The following PKD1 variants were observed in gnomAD, a reference collection of about 807,000 sequenced individuals.
PKD1 encodes the protein polycystin 1, transient receptor potential channel interacting, also known as polycystin-1.
Under a neutral mutation model 361.7 loss-of-function variants are expected in PKD1, and 81 were observed. The observed-to-expected ratio is 0.22, with a 90% CI of 0.19 to 0.27. The LOEUF (loss-of-function observed/expected upper bound fraction) is 0.27. PKD1 is among the 10% of genes least tolerant of loss of function. The probability of loss-of-function intolerance (pLI) is 1.00; values close to 1 mark genes in which losing one functional copy is unlikely to be tolerated. For missense variants in PKD1, 6,399 were observed against 6,118.3 expected, an observed-to-expected ratio of 1.05 and a Z score of -1.53; for synonymous variants, 3,615 against 2,818.3, an observed-to-expected ratio of 1.28 and a Z score of -8.95.
intron 40 of PKD1, 69 bp downstream of exon 40, chr16:2,091,978 G>T: frequency 6.2e-7 from 1 of 1,612,070 alleles, no homozygotes; most frequent in Non-Finnish European, 8.5e-7. Context: ...TGGTCAGGAG[G>T]CCGCGGCACT....
chr16:2,125,366 G>A (rs1207740433), intron 1 of PKD1, among the ~76,000 whole-genome samples: 3 of 152,332 alleles, frequency 2.0e-5, no homozygotes, highest in South Asian at 4.1e-4. Context: ...CCAAGCAACA[G>A]AGCCCTGCAC....
intron 1 of PKD1, among the ~76,000 whole-genome samples, chr16:2,121,291 C>G (rs140747784): frequency 3.3e-5 from 5 of 150,976 alleles, no homozygotes; most frequent in East Asian, 2.0e-4. Flanking sequence ...CTTGAACCCG[C>G]GAGGCAGAGG....
In PKD1 at chr16:2,097,386, C is replaced by G; in HGVS notation, c.10338G>C (p.Leu3446=). ...QLARGQAGHG[L]GPEEDGFSLA... ...GGGAGAAGCCGTCCTCCTCTGGGCC[C>G]AGCCCATGGCCCGCCTGGCCCCGTG... Residue 3446 remains leucine (L), a synonymous_variant, in exon 33 of 46, where the codon CTG becomes CTC. Transcript: ENST00000262304. 6.2e-7 allele frequency: 1 copy of G among 1,611,390 alleles called. No homozygotes were observed. Among genetic ancestry groups the G allele is most frequent in the Non-Finnish European group, 8.5e-7 (1 of 1,179,930 alleles).
intron 37 of PKD1, 140 bp from the exon 38 acceptor site, chr16:2,093,233 T>A: frequency 9.9e-7 from 1 of 1,007,042 alleles, no homozygotes; most frequent in Non-Finnish European, 1.5e-6. Context: ...AGACTCTACC[T>A]GGCCAGGGTA....
At chr16:2,129,408 G>T (rs547213410) in intron 1 of PKD1, among the ~76,000 whole-genome samples, 1 of 151,890 alleles carries the variant, frequency 6.6e-6, no homozygotes, top group Non-Finnish European at 1.5e-5. Context: ...GATTACAGGC[G>T]TGAGGCACCG....
At chr16:2,130,755 G>C (rs28635410) in intron 1 of PKD1, among the ~76,000 whole-genome samples, 4,132 of 152,262 alleles carry the variant, frequency 0.027, 200 homozygotes, top group African/African-American at 0.094. Flanking sequence ...GTCTGCGCCT[G>C]CTGTCCCTAC....
rs116726822 is a variant in PKD1 at position 2,109,573 on chromosome 16, C to G, written c.5594G>C (p.Arg1865Pro). 3 of 1,611,720 alleles carry G rather than the reference C, an allele frequency of 1.9e-6. No individual in the cohort carries two copies. In the African/African-American group the frequency reaches 4.0e-5, roughly 21 times the overall value. The change falls in exon 15 of 46, where the codon CGG becomes CCG. Residue 1865 changes from arginine (R) to proline (P), a missense_variant. Physicochemically the swap from Arg to Pro is moderately radical, Grantham distance 103. Transcript: ENST00000262304. ...GCTGACTGCGTTGGAGGCATTGAGC[C>G]GGATGGAGAAGGTGCCAGCATCCGG... ...VFPDAGTFSI[R>P]LNASNAVSWV...
At position 2,089,831 on chromosome 16, in the gene PKD1, G is replaced by C. The variant is rs1300284182; in HGVS notation, c.12808C>G (p.Leu4270Val). Reference protein sequence around the residue: ...RGPSPGLRPALPSRLARASRG... With the variant: ...RGPSPGLRPAVPSRLARASRG... ...CTGGCCCGGGCAAGGCGGCTGGGCA[G>C]TGCTGGCCGCAGGCCCGGGGATGGG... The change falls in exon 46 of 46, where the codon CTG becomes GTG. Residue 4270 changes from leucine (L) to valine (V), a missense_variant. By Grantham distance (32) the Leu-to-Val change is conservative. Transcript: ENST00000262304. 1 of 1,604,256 alleles carries C rather than the reference G, an allele frequency of 6.2e-7. No individual in the cohort carries two copies. Among genetic ancestry groups the C allele is most frequent in the African/African-American group, 1.3e-5 (1 of 74,836 alleles).
intron 37 of PKD1, 141 bp downstream of exon 37, chr16:2,093,403 C>G: frequency 1.2e-6 from 1 of 848,676 alleles, no homozygotes; most frequent in South Asian, 1.7e-5. Context: ...AGGAGGGAGA[C>G]CGGGCAAAGG....
At chr16:2,124,694 C>T (rs1298345369) in intron 1 of PKD1, among the ~76,000 whole-genome samples, 1 of 152,218 alleles carries the variant, frequency 6.6e-6, no homozygotes, top group Non-Finnish European at 1.5e-5. Flanking sequence ...GACGGAGCCC[C>T]CAAAGAAACA....
At position 2,112,977 on chromosome 16, in the gene PKD1, C is replaced by A. The variant is rs376382731; in HGVS notation, c.2986-14G>T. On this transcript the variant is annotated splice_polypyrimidine_tract_variant and intron_variant, in intron 12 of 45. Transcript: ENST00000262304. ...GGAGGCCGTCAGCTGCAGGGACAGG[C>A]GTCAGTGAGCCCAGGTGGCAGGTGA... 5.0e-6 allele frequency: 8 copies of A among 1,595,916 alleles called. No homozygotes were observed. The highest frequency in any genetic ancestry group is 5.1e-6 in the Non-Finnish European group (6 of 1,178,296).
chr16:2,093,348 C>T (rs2091687982), intron 37 of PKD1, 196 bp downstream of exon 37: 2 of 683,730 alleles, frequency 2.9e-6, no homozygotes, highest in Admixed American at 2.6e-5. Context: ...GGCATTGGAG[C>T]TGGGCCCTGG....
In PKD1 at chr16:2,132,255, A is replaced by G. The variant is rs1039649463; in HGVS notation, c.215+3220T>C. ...ACAAGAGCGAAACTCCGTCTCAAAA[A>G]AAAAAAAAAAGTATATATTTTTAAA... On this transcript the variant is annotated intron_variant, in intron 1 of 45. Coordinates refer to ENST00000262304, the MANE Select transcript of PKD1 (RefSeq NM_001009944.3). 9.3e-5 allele frequency among the ~76,000 whole-genome samples: 14 copies of G among 151,074 alleles called. 1 individual carries two copies. The highest frequency in any genetic ancestry group is 1.9e-4 in the Non-Finnish European group (13 of 67,882).
chr16:2,095,904 C>T (rs2091826821), intron 34 of PKD1, among the ~76,000 whole-genome samples: 1 of 150,500 alleles, frequency 6.6e-6, no homozygotes, highest in Non-Finnish European at 1.5e-5. Context: ...CCTGGATTTC[C>T]CCATACTCTG....
Position 2,102,831 on chromosome 16 carries a change from G to A in PKD1, c.8931C>T (p.Thr2977=). The A allele has an allele frequency of 6.2e-7, 1 of 1,610,112 alleles. No homozygotes were observed. The highest frequency in any genetic ancestry group is 1.3e-5 in the African/African-American group (1 of 74,940). ...GAGCTCACCCCGGGGAAATGAAGAA[G>A]GTGTAGGGCCGGTGGTCAGCACCCT... is the stretch of plus-strand genomic sequence containing the variant. The part of the protein sequence containing the change: ...SLQGADHRPY[T]FFISPGSRDP... Residue 2977 remains threonine, a synonymous_variant, in exon 24 of 46, where the codon ACC becomes ACT. Transcript: ENST00000262304.
chr16:2,092,152 G>A lies in PKD1; in HGVS notation c.11306C>T (p.Thr3769Met), dbSNP rs752872366. ...GCTGAAGCCTCCTGCGGCCGAGCAC[G>A]TGTGGACCCTGGGGCCGGGAGGGTC... ...YPDPPGPRVH[T>M]CSAAGGFSTS... The change falls in exon 40 of 46, where the codon ACG (threonine) becomes ATG (methionine). Residue 3769 changes from threonine to methionine, a missense_variant. Physicochemically the swap from Thr to Met is moderately conservative, Grantham distance 81 (BLOSUM62 -1). Transcript: ENST00000262304. The A allele has an allele frequency of 1.2e-6, 2 of 1,612,108 alleles. No homozygotes were observed. The highest frequency in any genetic ancestry group is 1.7e-6 in the Non-Finnish European group (2 of 1,179,684).
intron 26 of PKD1, among the ~76,000 whole-genome samples, chr16:2,101,079 G>T (rs536838937): frequency 6.6e-6 from 1 of 151,908 alleles, no homozygotes; most frequent in East Asian, 1.9e-4. Context: ...TCCGCCTCCC[G>T]GGTTCACGCC....
intron 1 of PKD1, among the ~76,000 whole-genome samples, chr16:2,129,267 C>T (rs1234243633): frequency 2.0e-5 from 3 of 150,428 alleles, no homozygotes; most frequent in African/African-American, 4.9e-5. Context: ...TCAGGGAATC[C>T]TCCCCCCTCA....
At chr16:2,121,896 G>C (rs1202259659) in intron 1 of PKD1, among the ~76,000 whole-genome samples, 2 of 152,166 alleles carry the variant, frequency 1.3e-5, no homozygotes, top group Non-Finnish European at 2.9e-5. Flanking sequence ...GCTCTTCCCA[G>C]CAATGACCAC....
Sources: gnomAD v4.1 joint callset for allele counts (sites outside exome capture counted in the v4.1 genomes callset) on GRCh38, gnomAD v4.1.1 for gene constraint, MANE v1.5 for transcripts, NCBI Gene and HGNC (gene_info 2026-07-23, HGNC 2026-07-21) for gene names.